Variants in NRXN3 observed in about 807,000 individuals in gnomAD.
NRXN3 encodes neurexin 3, also known as neurexin III.
NRXN3 carries 32 observed loss-of-function variants against 137.6 expected under a neutral mutation model. That is an observed-to-expected ratio of 0.23 (90% CI 0.18 to 0.31). NRXN3 has a LOEUF of 0.31. NRXN3 is among the 10% of genes least tolerant of loss of function. The pLI is 1.00. For missense variants in NRXN3, 1,574 were observed against 2,062.5 expected (o/e 0.76, Z 4.59); for synonymous variants, 798 against 784.5 (o/e 1.02, Z -0.29).
chr14:78,461,643 G>A (rs1282326693), intron 4 of NRXN3, among the ~76,000 whole-genome samples: 2 of 152,180 alleles, frequency 1.3e-5, no homozygotes, highest in Admixed American at 6.5e-5. Flanking sequence ...CCTGATGTAA[G>A]TAGAGAAAGA....
At chr14:79,299,322 CACT>C (rs1158917239) in intron 15 of NRXN3, among the ~76,000 whole-genome samples, 1 of 151,980 alleles carries the variant, frequency 6.6e-6, no homozygotes, top group Non-Finnish European at 1.5e-5. Flanking sequence ...ACCTGAGTGT[CACT>C]GATCACTCTC....
At chr14:79,825,857 A>G (rs1429363548) in intron 20 of NRXN3, among the ~76,000 whole-genome samples, 1 of 152,154 alleles carries the variant, frequency 6.6e-6, no homozygotes, top group Non-Finnish European at 1.5e-5. Context: ...GTTTCTTCTG[A>G]TGTAAAAGTA....
intron 16 of NRXN3, among the ~76,000 whole-genome samples, chr14:79,615,923 C>T (rs771598504): frequency 6.6e-6 from 1 of 151,924 alleles, no homozygotes; most frequent in Non-Finnish European, 1.5e-5. Flanking sequence ...GGTATTATTC[C>T]CATCTTAAGA....
chr14:79,450,452 A>T lies in NRXN3; in HGVS notation c.3263-16769A>T, dbSNP rs79948228. ...AAAAGTTCTCACCACAAAAAATAAT[A>T]AGTATCTGAGGTGATGGATGTGTTA... is the stretch of plus-strand genomic sequence containing the variant. On this transcript the variant is annotated intron_variant, in intron 15 of 20. Coordinates refer to ENST00000335750, the MANE Select transcript of NRXN3 (RefSeq NM_001330195.2). Among the ~76,000 whole-genome samples the T allele has an allele frequency of 8.8e-3, 1,347 of 152,320 alleles. 29 individuals are homozygous for T. The East Asian group carries it at 0.097, about 11-fold the overall frequency.
At chr14:78,462,848 G>C (rs769537258) in intron 4 of NRXN3, among the ~76,000 whole-genome samples, 2 of 152,138 alleles carry the variant, frequency 1.3e-5, no homozygotes, top group Non-Finnish European at 2.9e-5. Context: ...CATTGGTTGA[G>C]GAATGACAAT....
chr14:79,779,117 G>T lies in NRXN3; in HGVS notation c.4015-25995G>T, dbSNP rs146447454. ...TTAATGGCAATGAATTGTTGTTGTT[G>T]TTGTTTTCTTTTTGAGACAGAGTTT... On this transcript the variant is annotated intron_variant, in intron 19 of 20. Transcript: ENST00000335750. Among the ~76,000 whole-genome samples the T allele has an allele frequency of 1.8e-3, 273 of 152,248 alleles. 1 individual carries two copies. Among genetic ancestry groups the T allele is most frequent in the Non-Finnish European group, 3.3e-3 (223 of 68,004 alleles).
At chr14:79,574,120 A>G (rs947130660) in intron 16 of NRXN3, among the ~76,000 whole-genome samples, 1 of 152,070 alleles carries the variant, frequency 6.6e-6, no homozygotes, top group Admixed American at 6.6e-5. Flanking sequence ...GAATAAACAC[A>G]AAGTAGAATA....
At chr14:78,453,604 G>T (rs1223924712) in intron 4 of NRXN3, among the ~76,000 whole-genome samples, 1 of 152,168 alleles carries the variant, frequency 6.6e-6, no homozygotes, top group Non-Finnish European at 1.5e-5. Flanking sequence ...GTTTTGGATT[G>T]AATTTTATCC....
chr14:78,518,510 T>G (rs2153798553), intron 4 of NRXN3, among the ~76,000 whole-genome samples: 1 of 152,238 alleles, frequency 6.6e-6, no homozygotes, highest in Non-Finnish European at 1.5e-5. Flanking sequence ...AAAAGGTAGC[T>G]TGAGAACCAA....
At chr14:79,429,454 G>A (rs937522702) in intron 15 of NRXN3, among the ~76,000 whole-genome samples, 8 of 152,138 alleles carry the variant, frequency 5.3e-5, no homozygotes, top group Admixed American at 6.5e-5. Flanking sequence ...TAGTTTCCTC[G>A]TCTCTAAAAT....
At chr14:79,172,398 T>C (rs1705644881) in intron 15 of NRXN3, among the ~76,000 whole-genome samples, 1 of 152,140 alleles carries the variant, frequency 6.6e-6, no homozygotes, top group Admixed American at 6.5e-5. Context: ...CTTATGGCAT[T>C]TACCTTTAAC....
chr14:78,803,344 ATTTAATT>A (rs2098845119), intron 8 of NRXN3, among the ~76,000 whole-genome samples: 1 of 152,154 alleles, frequency 6.6e-6, no homozygotes, highest in African/African-American at 2.4e-5. Context: ...CATATCCATT[ATTTAATT>A]TGGTACCCTT....
chr14:78,700,154 A>AT (rs1394684957), intron 6 of NRXN3, among the ~76,000 whole-genome samples: 1 of 152,170 alleles, frequency 6.6e-6, no homozygotes, highest in Non-Finnish European at 1.5e-5. Context: ...ATTGTGTCTC[A>AT]TGGTCTATCC....
At chr14:78,391,959 G>T (rs2090838065) in intron 4 of NRXN3, among the ~76,000 whole-genome samples, 1 of 151,764 alleles carries the variant, frequency 6.6e-6, no homozygotes, top group African/African-American at 2.4e-5. Context: ...AAACCACAAA[G>T]ATTGATTCAA....
chr14:78,694,887 T>C (rs2098210618), intron 6 of NRXN3, among the ~76,000 whole-genome samples: 2 of 152,008 alleles, frequency 1.3e-5, no homozygotes, highest in South Asian at 4.1e-4. Context: ...AGCTGAGGAA[T>C]GAGCAGCAGT....
intron 8 of NRXN3, among the ~76,000 whole-genome samples, chr14:78,736,440 T>G (rs1038747052): frequency 6.6e-6 from 1 of 152,212 alleles, no homozygotes; most frequent in Admixed American, 6.6e-5. Flanking sequence ...TTCTTGCAAC[T>G]ATTAGGTGAG....
chr14:79,567,359 A>G (rs1021777159), intron 16 of NRXN3, among the ~76,000 whole-genome samples: 13 of 152,052 alleles, frequency 8.5e-5, no homozygotes, highest in African/African-American at 3.1e-4. Flanking sequence ...CTCCGGACAC[A>G]AGACCAGACT....
chr14:79,651,885 C>T (rs561577548), intron 16 of NRXN3, among the ~76,000 whole-genome samples: 1 of 152,272 alleles, frequency 6.6e-6, no homozygotes, highest in East Asian at 1.9e-4. Flanking sequence ...CTAATGTTGA[C>T]TCTAGATCTT....
intron 4 of NRXN3, among the ~76,000 whole-genome samples, chr14:78,634,435 G>A (rs1399974070): frequency 2.6e-5 from 4 of 152,306 alleles, no homozygotes; most frequent in Middle Eastern, 6.8e-3. Flanking sequence ...ACAGCGTATG[G>A]TTAAAAAGTT....
Sources: gnomAD v4.1 joint callset for allele counts (sites outside exome capture counted in the v4.1 genomes callset) on GRCh38, gnomAD v4.1.1 for gene constraint, MANE v1.5 for transcripts, NCBI Gene and HGNC (gene_info 2026-07-23, HGNC 2026-07-21) for gene names.